The following TOMM70 variants were observed in gnomAD, a reference collection of about 807,000 sequenced individuals.
TOMM70 encodes translocase of outer mitochondrial membrane 70, also known as mitochondrial import receptor subunit TOM70.
Under a neutral mutation model 73.6 loss-of-function variants are expected in TOMM70, and 13 were observed. That is an observed-to-expected ratio of 0.18 (90% CI 0.11 to 0.28). The LOEUF is 0.28. TOMM70 is among the 10% of genes least tolerant of loss of function. The pLI is 1.00. For synonymous variants in TOMM70, 257 were observed against 271.2 expected (o/e 0.95, Z 0.51); for missense variants, 609 against 747.5 (o/e 0.81, Z 2.16).
At chr3:100,368,901 A>G in intron 10 of TOMM70, 137 bp downstream of exon 10, 1 of 616,684 alleles carries the variant, frequency 1.6e-6, no homozygotes, top group Non-Finnish European at 2.8e-6. Context: ...TAAGAATGAA[A>G]AGACATCTAG....
At position 100,376,433 on chromosome 3, in the gene TOMM70, G is replaced by A. The variant is rs528464573; in HGVS notation, c.1092+1272C>T. 2.8e-5 allele frequency among the ~76,000 whole-genome samples: 4 copies of A among 141,484 alleles called. No homozygotes were observed. The East Asian group carries it at 7.2e-4, about 25-fold the overall frequency. 92.8% of individuals were successfully genotyped at this position (141,484 alleles called of 152,430 possible). ...GCTGGAGTACAGTGGCACAAGTCAC[G>A]GCTCACCGCAGACTTGACCTCCCAG... On this transcript the variant is annotated intron_variant, in intron 6 of 11. Transcript: ENST00000284320.
intron 4 of TOMM70, among the ~76,000 whole-genome samples, chr3:100,382,047 C>T (rs1706640074): frequency 6.6e-6 from 1 of 152,188 alleles, no homozygotes; most frequent in African/African-American, 2.4e-5. Context: ...CTTGGGCTTT[C>T]ATCTGAAGAT....
At chr3:100,393,427 G>A (rs80073654) in intron 1 of TOMM70, among the ~76,000 whole-genome samples, 1,706 of 151,882 alleles carry the variant, frequency 0.011, 13 homozygotes, top group Non-Finnish European at 0.019. Flanking sequence ...GTGACATAAC[G>A]GACTATGGAG....
chr3:100,397,107 A>G (rs1265465744), intron 1 of TOMM70, among the ~76,000 whole-genome samples: 1 of 152,212 alleles, frequency 6.6e-6, no homozygotes, highest in East Asian at 1.9e-4. Flanking sequence ...TGGAGAAAGG[A>G]CAGTTAGGGC....
intron 9 of TOMM70, among the ~76,000 whole-genome samples, chr3:100,371,259 A>AT (rs61515802): frequency 0.2 from 19,701 of 98,382 alleles, 1,749 homozygotes; most frequent in Non-Finnish European, 0.25. Flanking sequence ...CAGCGATGGT[A>AT]TTTTTTTTTT....
At chr3:100,375,530 A>G (rs1347957425) in intron 6 of TOMM70, among the ~76,000 whole-genome samples, 1 of 152,180 alleles carries the variant, frequency 6.6e-6, no homozygotes, top group East Asian at 1.9e-4. Flanking sequence ...TTGATTTAGC[A>G]TAATGTTTTC....
chr3:100,377,814 A>T lies in TOMM70; in HGVS notation c.983T>A (p.Met328Lys). Reference sequence around the variant, plus strand: ...AGCTCGTAGTAGCAATGCTTCTGCCATGTATTTGCCTTCAGCATCTATTTC... The same window carrying T: ...AGCTCGTAGTAGCAATGCTTCTGCCTTGTATTTGCCTTCAGCATCTATTTC... ...SKEIDAEGKY[M>K]AEALLLRATF... The change falls in exon 6 of 12, where the codon ATG becomes AAG. Residue 328 changes from methionine to lysine, a missense_variant. Physicochemically the swap from Met to Lys is moderately conservative, Grantham distance 95. Around this residue, in one of 2 missense-constraint regions of TOMM70, gnomAD observed 432 missense variants for 584.1 expected, o/e 0.74. Transcript: ENST00000284320. 6.2e-7 allele frequency: 1 copy of T among 1,614,248 alleles called. No individual in the cohort carries two copies.
In TOMM70 at chr3:100,370,529, C is replaced by T. The variant is rs998602733; in HGVS notation, c.1453-1394G>A. 1.2e-4 allele frequency among the ~76,000 whole-genome samples: 19 copies of T among 152,244 alleles called. 1 individual carries two copies. Among genetic ancestry groups the T allele is most frequent in the African/African-American group, 4.1e-4 (17 of 41,536 alleles). On this transcript the variant is annotated intron_variant, in intron 9 of 11. Coordinates refer to ENST00000284320, the MANE Select transcript of TOMM70 (RefSeq NM_014820.5). Reference sequence around the variant, plus strand: ...AATCAACTTTTTAAGACAAATCCCACGGCTGAAATGGAAGGCACAGTTCTG... The same window carrying T: ...AATCAACTTTTTAAGACAAATCCCATGGCTGAAATGGAAGGCACAGTTCTG...
chr3:100,377,250 G>A (rs1036610774), intron 6 of TOMM70, among the ~76,000 whole-genome samples: 3 of 152,126 alleles, frequency 2.0e-5, no homozygotes, highest in African/African-American at 7.2e-5. Context: ...GAAAATGAAA[G>A]GCTGTTCCAA....
intron 5 of TOMM70, among the ~76,000 whole-genome samples, chr3:100,381,101 C>CT (rs1706628861): frequency 6.6e-6 from 1 of 152,130 alleles, no homozygotes. Flanking sequence ...CAGCTAGAAA[C>CT]ACAGTATCCT....
intron 1 of TOMM70, among the ~76,000 whole-genome samples, chr3:100,389,619 T>C (rs944870449): frequency 2.0e-5 from 3 of 151,968 alleles, no homozygotes; most frequent in South Asian, 2.1e-4. Context: ...AAATAAAAAT[T>C]AAGGTAATAT....
intron 5 of TOMM70, among the ~76,000 whole-genome samples, chr3:100,379,337 C>T (rs980978634): frequency 1.3e-5 from 2 of 152,118 alleles, no homozygotes; most frequent in African/African-American, 2.4e-5. Flanking sequence ...TTAAAAGTTA[C>T]GTCAGGCCAG....
intron 9 of TOMM70, 53 bp from the exon 10 acceptor site, chr3:100,369,188 T>A: frequency 8.1e-7 from 1 of 1,241,404 alleles, no homozygotes; most frequent in Non-Finnish European, 1.2e-6. Context: ...CCTAAGCAGT[T>A]AAAAGTATAC....
chr3:100,397,879 A>G (rs1345786261), intron 1 of TOMM70, among the ~76,000 whole-genome samples: 2 of 151,628 alleles, frequency 1.3e-5, no homozygotes, highest in South Asian at 2.1e-4. Context: ...ACAGAGTGAG[A>G]CTCCGTATCA....
chr3:100,368,376 G>A (rs907602766), intron 10 of TOMM70, among the ~76,000 whole-genome samples: 5 of 151,954 alleles, frequency 3.3e-5, no homozygotes, highest in African/African-American at 1.2e-4. Flanking sequence ...AGTGTTCAAT[G>A]GTCTAGGCTC....
chr3:100,396,270 T>C lies in TOMM70; in HGVS notation c.324+4356A>G, dbSNP rs977155444. ...ACAGTTTATGCAGTCCTCGACCCTT[T>C]ACTAAAATGTGTAGGTACATCTTCC... On this transcript the variant is annotated intron_variant, in intron 1 of 11. Coordinates refer to ENST00000284320, the MANE Select transcript of TOMM70 (RefSeq NM_014820.5). Among the ~76,000 whole-genome samples, 4 of 152,204 alleles carry C rather than the reference T, an allele frequency of 2.6e-5. No homozygotes were observed. The East Asian group carries it at 5.8e-4, about 22-fold the overall frequency.
intron 7 of TOMM70, 126 bp downstream of exon 7, chr3:100,374,892 T>C (rs941166067): frequency 9.0e-7 from 1 of 1,107,044 alleles, no homozygotes; most frequent in Admixed American, 3.1e-5. Context: ...TAAACCACTG[T>C]GATACTTTGT....
At chr3:100,386,101 G>A in intron 3 of TOMM70, 117 bp downstream of exon 3, 6 of 1,182,890 alleles carry the variant, frequency 5.1e-6, no homozygotes, top group Non-Finnish European at 7.0e-6. Flanking sequence ...TAAGTGCAAA[G>A]GAATCCAACT....
intron 5 of TOMM70, among the ~76,000 whole-genome samples, chr3:100,378,808 C>T (rs1057327269): frequency 3.9e-5 from 6 of 152,028 alleles, no homozygotes; most frequent in Non-Finnish European, 8.8e-5. Flanking sequence ...AGATCGAGAC[C>T]ATCCTGGCAA....
Sources: gnomAD v4.1 joint callset for allele counts (sites outside exome capture counted in the v4.1 genomes callset) on GRCh38, gnomAD v4.1.1 for gene constraint, gnomAD v4.1.1 regional missense constraint, MANE v1.5 for transcripts, NCBI Gene and HGNC (gene_info 2026-07-23, HGNC 2026-07-21) for gene names.